EPHB1: variants seen among roughly 807,000 people sequenced by gnomAD.
EPHB1 encodes ephrin type-B receptor 1.
A neutral mutation model predicts 94.4 loss-of-function variants in EPHB1; 30 were observed. The observed-to-expected ratio is 0.32, with a 90% CI of 0.24 to 0.43. The LOEUF (loss-of-function observed/expected upper bound fraction) is 0.43. Among genes scored for constraint, EPHB1 ranks in the 20% least tolerant of loss-of-function variants. The probability of loss-of-function intolerance (pLI) is 1.00; values close to 1 mark genes in which losing one functional copy is unlikely to be tolerated. For missense variants in EPHB1, 1,055 were observed against 1,308.3 expected, an observed-to-expected ratio of 0.81 and a Z score of 2.99; for synonymous variants, 522 against 489.1, an observed-to-expected ratio of 1.07 and a Z score of -0.89.
chr3:135,073,849 C>T (rs1479192470), intron 3 of EPHB1, among the ~76,000 whole-genome samples: 1 of 151,926 alleles, frequency 6.6e-6, no homozygotes, highest in Non-Finnish European at 1.5e-5. Context: ...TGAGTTTGCT[C>T]GTTGCATTCC....
intron 3 of EPHB1, among the ~76,000 whole-genome samples, chr3:135,029,210 T>A: frequency 8.8e-6 from 1 of 113,134 alleles, no homozygotes; most frequent in Middle Eastern, 4.1e-3. Flanking sequence ...ATTGGAGCAT[T>A]TAGTCCATTT....
intron 1 of EPHB1, among the ~76,000 whole-genome samples, chr3:134,861,486 T>A (rs1578146413): frequency 6.6e-6 from 1 of 151,860 alleles, no homozygotes; most frequent in Non-Finnish European, 1.5e-5. Flanking sequence ...CAACCAGACA[T>A]AGAGAATTTG....
At chr3:135,048,233 T>TC (rs1553726193) in intron 3 of EPHB1, among the ~76,000 whole-genome samples, 3 of 148,766 alleles carry the variant, frequency 2.0e-5, no homozygotes. Flanking sequence ...TCTTTTTTTT[T>TC]TTTTCTTTTT....
intron 3 of EPHB1, among the ~76,000 whole-genome samples, chr3:134,972,420 C>T (rs1934007940): frequency 1.4e-5 from 2 of 142,584 alleles, no homozygotes; most frequent in South Asian, 2.2e-4. Context: ...TTTTATATAA[C>T]ATATAAAAGA....
intron 1 of EPHB1, among the ~76,000 whole-genome samples, chr3:134,865,856 G>T (rs1209092233): frequency 1.3e-5 from 2 of 152,288 alleles, no homozygotes; most frequent in Middle Eastern, 3.4e-3. Context: ...CATTTTTAAA[G>T]GTTAAAACGG....
intron 9 of EPHB1, among the ~76,000 whole-genome samples, chr3:135,178,388 G>C (rs1039781585): frequency 1.4e-5 from 2 of 146,604 alleles, no homozygotes; most frequent in African/African-American, 5.1e-5. Context: ...CCCAGGAGGT[G>C]AAGGTTGCAG....
intron 1 of EPHB1, among the ~76,000 whole-genome samples, chr3:134,903,769 G>T (rs1169367878): frequency 6.6e-6 from 1 of 152,162 alleles, no homozygotes; most frequent in Non-Finnish European, 1.5e-5. Flanking sequence ...GAGTTGGAAG[G>T]AAAGATTTGT....
At chr3:134,890,137 C>A (rs1578173482) in intron 1 of EPHB1, among the ~76,000 whole-genome samples, 3 of 152,302 alleles carry the variant, frequency 2.0e-5, no homozygotes, top group Admixed American at 2.0e-4. Context: ...ACCCCCCCTT[C>A]CACCAGGGGT....
intron 1 of EPHB1, among the ~76,000 whole-genome samples, chr3:134,798,182 G>T (rs2035867050): frequency 6.6e-6 from 1 of 152,238 alleles, no homozygotes; most frequent in Admixed American, 6.5e-5. Context: ...TGGAATTTCA[G>T]TGAGGCATTG....
intron 1 of EPHB1, among the ~76,000 whole-genome samples, chr3:134,877,582 G>A (rs1578162398): frequency 6.6e-6 from 1 of 152,172 alleles, no homozygotes; most frequent in Non-Finnish European, 1.5e-5. Context: ...CAGGAGATAA[G>A]CCACAAGAAA....
intron 3 of EPHB1, among the ~76,000 whole-genome samples, chr3:135,020,249 A>T (rs1935943242): frequency 6.6e-6 from 1 of 152,188 alleles, no homozygotes; most frequent in African/African-American, 2.4e-5. Flanking sequence ...ATTTTTTTAT[A>T]ATAGCTGTGT....
chr3:134,983,276 A>G (rs72973596), intron 3 of EPHB1, among the ~76,000 whole-genome samples: 3,087 of 152,294 alleles, frequency 0.02, 119 homozygotes, highest in African/African-American at 0.068. Flanking sequence ...GCTAGTGACT[A>G]CTGTGTTGGC....
At chr3:134,939,048 C>A (rs1186366813) in intron 2 of EPHB1, among the ~76,000 whole-genome samples, 1 of 152,144 alleles carries the variant, frequency 6.6e-6, no homozygotes, top group African/African-American at 2.4e-5. Context: ...TGCTTGAAGC[C>A]ACTTTCTCCA....
chr3:135,049,209 C>G (rs1234531003), intron 3 of EPHB1, among the ~76,000 whole-genome samples: 1 of 152,216 alleles, frequency 6.6e-6, no homozygotes, highest in East Asian at 1.9e-4. Context: ...ATATTTGAAT[C>G]AAATTACATC....
At chr3:134,934,884 G>T (rs927776835) in intron 2 of EPHB1, among the ~76,000 whole-genome samples, 1 of 152,152 alleles carries the variant, frequency 6.6e-6, no homozygotes, top group African/African-American at 2.4e-5. Flanking sequence ...CACAGACTCT[G>T]GGAGGGAATT....
chr3:134,833,038 G>C (rs1334363905), intron 1 of EPHB1, among the ~76,000 whole-genome samples: 5 of 152,178 alleles, frequency 3.3e-5, no homozygotes, highest in Non-Finnish European at 7.3e-5. Flanking sequence ...GAAGAGTCTT[G>C]AATATTTGCA....
At chr3:135,256,610 C>G (rs1933404209) in intron 15 of EPHB1, among the ~76,000 whole-genome samples, 1 of 152,178 alleles carries the variant, frequency 6.6e-6, no homozygotes, top group Non-Finnish European at 1.5e-5. Context: ...ATGGGCTTCC[C>G]TTTGAGGGTA....
In EPHB1 at chr3:135,154,166, C is replaced by G; in HGVS notation, c.1312C>G (p.Pro438Ala). 1 of 1,614,026 alleles carries G rather than the reference C, an allele frequency of 6.2e-7. No homozygotes were observed. Among genetic ancestry groups the G allele is most frequent in the South Asian group, 1.1e-5 (1 of 91,090 alleles). Residue 438 changes from proline (P) to alanine (A), a missense_variant, in exon 6 of 16, where the codon CCC (proline) becomes GCC (alanine). Coordinates refer to ENST00000398015, the MANE Select transcript of EPHB1 (RefSeq NM_004441.5). ...TCTCTCCACAGCCCCCTCCACCGTT[C>G]CCATCATGCACCAAGTCAGTGCCAC... ...TTNQAAPSTV[P>A]IMHQVSATMR...
At chr3:134,915,474 G>A (rs28550833) in intron 1 of EPHB1, among the ~76,000 whole-genome samples, 36,455 of 152,048 alleles carry the variant, frequency 0.24, 4,781 homozygotes, top group African/African-American at 0.34. Context: ...GATCCTCCCC[G>A]ATAGGTTCAG....
Sources: gnomAD v4.1 joint callset for allele counts (sites outside exome capture counted in the v4.1 genomes callset) on GRCh38, gnomAD v4.1.1 for gene constraint, MANE v1.5 for transcripts, NCBI Gene and HGNC (gene_info 2026-07-23, HGNC 2026-07-21) for gene names.